The following FHDC1 variants were observed in gnomAD, a reference collection of about 807,000 sequenced individuals.
FHDC1 encodes FH2 domain-containing protein 1.
A neutral mutation model predicts 52.6 loss-of-function variants in FHDC1; 25 were observed. That is an observed-to-expected ratio of 0.48 (90% CI 0.35 to 0.66). FHDC1 has a LOEUF of 0.66. FHDC1 is among the 30% of genes least tolerant of loss of function. The pLI, the probability that FHDC1 is intolerant of heterozygous loss-of-function variation, is 0.01. For missense variants in FHDC1, 1,459 were observed against 1,452.8 expected (o/e 1.00, Z -0.07); for synonymous variants, 616 against 581.5 (o/e 1.06, Z -0.85).
the FHDC1 span, among the ~76,000 whole-genome samples, chr4:152,923,947 G>A: frequency 6.6e-6 from 1 of 152,104 alleles, no homozygotes; most frequent in East Asian, 1.9e-4. Flanking sequence ...ATAGGTATGG[G>A]CAAGGACTTC....
the FHDC1 span, chr4:152,927,576 G>T: frequency 6.3e-7 from 1 of 1,592,256 alleles, no homozygotes; most frequent in South Asian, 1.1e-5. Flanking sequence ...TCAGAAGAAT[G>T]TCCAGAGGAG....
intron 1 of FHDC1, among the ~76,000 whole-genome samples, chr4:152,942,254 G>A (rs1052009076): frequency 6.8e-4 from 103 of 152,310 alleles, no homozygotes; most frequent in African/African-American, 2.4e-3. Context: ...GAAAACTGAA[G>A]TCTGGTGAGG....
the FHDC1 span, among the ~76,000 whole-genome samples, chr4:152,925,398 G>A: frequency 6.6e-6 from 1 of 151,976 alleles, no homozygotes; most frequent in South Asian, 2.1e-4. Flanking sequence ...TATTACCCTA[G>A]GCAGTTGTCA....
In FHDC1 at chr4:152,968,167, G is replaced by A. The variant is rs547879206; in HGVS notation, c.1218+70G>A. On this transcript the variant is annotated intron_variant, in intron 10 of 11. Coordinates refer to ENST00000511601, the MANE Select transcript of FHDC1 (RefSeq NM_001371116.1). ...CAGCACCCCGGGGCTGGTTAAATTT[G>A]CATGGGTGTATTTGTGGAAGCAGCA... 1.1e-3 allele frequency: 1,152 copies of A among 1,077,256 alleles called. 7 individuals carry two copies. In the South Asian group the frequency reaches 0.016, roughly 15 times the overall value. 66.7% of individuals were successfully genotyped at this position (1,077,256 alleles called of 1,614,324 possible).
chr4:152,921,588 C>CCCTT, the FHDC1 span, among the ~76,000 whole-genome samples: 3,256 of 113,448 alleles, frequency 0.029, 58 homozygotes, highest in South Asian at 0.048. Flanking sequence ...CTTCCTTCCT[C>CCCTT]CCTCCCTCCC....
At chr4:152,971,188 T>A (rs1740626587) in intron 10 of FHDC1, among the ~76,000 whole-genome samples, 1 of 152,048 alleles carries the variant, frequency 6.6e-6, no homozygotes, top group Non-Finnish European at 1.5e-5. Context: ...AAACCCTGTC[T>A]CTACAAAATA....
chr4:152,945,746 T>G (rs1260993514), intron 2 of FHDC1, among the ~76,000 whole-genome samples: 1 of 152,234 alleles, frequency 6.6e-6, no homozygotes, highest in Non-Finnish European at 1.5e-5. Context: ...TGTGAACCAC[T>G]GCGCCTGGCC....
chr4:152,937,832 G>A (rs1739441675), intron 1 of FHDC1, among the ~76,000 whole-genome samples: 1 of 152,246 alleles, frequency 6.6e-6, no homozygotes, highest in South Asian at 2.1e-4. Context: ...ACCCCAGCGC[G>A]GCTCCCCGGG....
At chr4:152,973,707 C>T (rs1477611345) in intron 11 of FHDC1, among the ~76,000 whole-genome samples, 1 of 152,212 alleles carries the variant, frequency 6.6e-6, no homozygotes, top group Non-Finnish European at 1.5e-5. Flanking sequence ...CCCACAGAAA[C>T]TTGGAAGGGA....
chr4:152,960,462 TA>T, intron 4 of FHDC1, 102 bp from the exon 5 acceptor site: 1 of 1,051,510 alleles, frequency 9.5e-7, no homozygotes, highest in Non-Finnish European at 1.4e-6. Flanking sequence ...AATTTAGCAC[TA>T]AAATCCTATT....
chr4:152,917,655 A>G, the FHDC1 span, among the ~76,000 whole-genome samples: 4 of 150,540 alleles, frequency 2.7e-5, no homozygotes, highest in Non-Finnish European at 5.9e-5. Context: ...TGGTTACTAT[A>G]TAATCACTAG....
chr4:152,972,307 G>A lies in FHDC1; in HGVS notation c.1219-70G>A, dbSNP rs193064921. Reference sequence around the variant, plus strand: ...CCAGAGCACGTCTTCTCTGGGCACCGGATGCAGTGCCCAGCGCCGCCTCAG... The same window carrying A: ...CCAGAGCACGTCTTCTCTGGGCACCAGATGCAGTGCCCAGCGCCGCCTCAG... On this transcript the variant is annotated intron_variant, in intron 10 of 11. Coordinates refer to ENST00000511601, the MANE Select transcript of FHDC1 (RefSeq NM_001371116.1). 41 of 1,462,908 alleles carry A rather than the reference G, an allele frequency of 2.8e-5. 1 individual carries two copies. The highest frequency in any genetic ancestry group is 1.8e-4 in the Middle Eastern group (1 of 5,518). The allele number at this position is 1,462,908 out of a possible 1,614,324, so 90.6% of individuals were successfully genotyped here. A position where few individuals can be genotyped will look rare whatever the true frequency, so the allele number is the denominator to read the frequency against.
intron 11 of FHDC1, among the ~76,000 whole-genome samples, chr4:152,973,727 A>G (rs570162021): frequency 1.7e-3 from 262 of 152,370 alleles, no homozygotes; most frequent in African/African-American, 6.1e-3. Context: ...AAAGGCCATC[A>G]TTGGAGGAAA....
chr4:152,952,557 A>C (rs1739958441), intron 2 of FHDC1, among the ~76,000 whole-genome samples: 1 of 152,238 alleles, frequency 6.6e-6, no homozygotes, highest in Non-Finnish European at 1.5e-5. Context: ...TACAAATTTA[A>C]AAATACAGTA....
Position 152,975,330 on chromosome 4 carries a change from C to T in FHDC1, c.2039C>T (p.Ala680Val), listed in dbSNP as rs765319146. 2 of 1,613,660 alleles carry T rather than the reference C, an allele frequency of 1.2e-6. No homozygotes were observed. Among genetic ancestry groups the T allele is most frequent in the Non-Finnish European group, 8.5e-7 (1 of 1,180,020 alleles). ...IKEHELVTGL[A>V]QFNLQGSQGM... is the part of the protein sequence containing the mutation. ...GAGCATGAGCTGGTGACAGGGCTGG[C>T]CCAGTTCAACCTCCAGGGTTCCCAG... Residue 680 changes from alanine (A) to valine (V), a missense_variant, in exon 12 of 12, where the codon GCC becomes GTC. By Grantham distance (64) the Ala-to-Val change is moderately conservative. Transcript: ENST00000511601.
At chr4:152,920,540 A>G in the FHDC1 span, among the ~76,000 whole-genome samples, 2 of 152,204 alleles carry the variant, frequency 1.3e-5, no homozygotes, top group Non-Finnish European at 2.9e-5. Flanking sequence ...AAAACAATTT[A>G]AAGCCAAGAG....
At chr4:152,912,071 A>C in the FHDC1 span, 1 of 152,332 alleles carries the variant, frequency 6.6e-6, no homozygotes. Context: ...CTCTTTTGAG[A>C]GCTGAACATG....
intron 2 of FHDC1, among the ~76,000 whole-genome samples, chr4:152,946,179 G>A (rs537270194): frequency 6.6e-6 from 1 of 152,316 alleles, no homozygotes; most frequent in African/African-American, 2.4e-5. Context: ...TAATGCCGCT[G>A]TGTACATGGG....
At chr4:152,937,450 G>T (rs1014307110) in intron 1 of FHDC1, among the ~76,000 whole-genome samples, 1 of 152,134 alleles carries the variant, frequency 6.6e-6, no homozygotes, top group East Asian at 1.9e-4. Flanking sequence ...CGTGGGGAGC[G>T]TGGGCTTTCC....
Sources: allele counts gnomAD v4.1 joint callset (sites outside exome capture counted in the v4.1 genomes callset), GRCh38; gene constraint gnomAD v4.1.1; transcripts MANE v1.5; gene names NCBI Gene and HGNC (gene_info 2026-07-23, HGNC 2026-07-21).